SKA1: variants seen among roughly 807,000 people sequenced by gnomAD.
The protein encoded by SKA1 is SKA complex subunit 1.
A neutral mutation model predicts 31.8 loss-of-function variants in SKA1; 20 were observed. The observed-to-expected ratio is 0.63, with a 90% CI of 0.44 to 0.91. The LOEUF (loss-of-function observed/expected upper bound fraction) is 0.91. Ranked by LOEUF, SKA1 falls within the 40% of genes least tolerant of loss-of-function variation. The pLI is 0.00. For missense variants in SKA1, 253 were observed against 298.2 expected (o/e 0.85, Z 1.12); for synonymous variants, 88 against 100.5 (o/e 0.88, Z 0.74).
At chr18:50,388,032 C>T (rs746757177) in intron 5 of SKA1, among the ~76,000 whole-genome samples, 3 of 152,112 alleles carry the variant, frequency 2.0e-5, no homozygotes, top group Non-Finnish European at 4.4e-5. Context: ...ATGGTTGCTA[C>T]GGTTGTAAAT....
intron 4 of SKA1, among the ~76,000 whole-genome samples, chr18:50,383,139 T>G (rs2041276018): frequency 1.3e-5 from 2 of 152,162 alleles, no homozygotes; most frequent in African/African-American, 4.8e-5. Context: ...TGTCTGTGCT[T>G]CTGCTTTTTC....
At chr18:50,381,839 C>A (rs573591543) in intron 3 of SKA1, among the ~76,000 whole-genome samples, 83 of 151,986 alleles carry the variant, frequency 5.5e-4, no homozygotes, top group East Asian at 1.7e-3. Context: ...AGTTCTCCCC[C>A]CTCAGCCTCC....
intron 5 of SKA1, among the ~76,000 whole-genome samples, chr18:50,389,262 C>A (rs1489542863): frequency 6.6e-6 from 1 of 151,902 alleles, no homozygotes; most frequent in East Asian, 1.9e-4. Flanking sequence ...ACCAATTAGC[C>A]ACTTGAAAAA....
At chr18:50,391,365 A>C (rs2044012) in intron 6 of SKA1, 72 bp downstream of exon 6, 465,439 of 1,286,342 alleles carry the variant, frequency 0.36, 88,693 homozygotes, top group East Asian at 0.64. Flanking sequence ...AAATGTAGCT[A>C]GTTCTAGAAA....
chr18:50,379,891 A>G (rs2041249812), intron 2 of SKA1, among the ~76,000 whole-genome samples: 1 of 152,232 alleles, frequency 6.6e-6, no homozygotes, highest in Non-Finnish European at 1.5e-5. Context: ...AGAATTTGCC[A>G]GAAACAAAAG....
At position 50,391,237 on chromosome 18, in the gene SKA1, C is replaced by T. The variant is rs1053849147; in HGVS notation, c.563C>T (p.Ser188Phe). The T allele has an allele frequency of 6.2e-7, 1 of 1,604,428 alleles. No individual in the cohort carries two copies. The highest frequency in any genetic ancestry group is 1.3e-5 in the African/African-American group (1 of 74,344). The change falls in exon 6 of 7, where the codon TCT (serine) becomes TTT (phenylalanine). Residue 188 changes from serine (S) to phenylalanine (F), a missense_variant. Coordinates refer to ENST00000285116, the MANE Select transcript of SKA1 (RefSeq NM_145060.4). ...ILHQPKKSMN[S>F]VTRNLYHRFI... ...CATCAGCCAAAAAAGTCTATGAATT[C>T]TGTGACCAGAAATCTCTATCACAGA...
chr18:50,381,398 A>G lies in SKA1; in HGVS notation c.214-731A>G, dbSNP rs138134306. Reference sequence around the variant, plus strand: ...CATCTCATGCTTGCCAGCTGGGTATATTACCATGCTGTGATAATATGGTTG... The same window carrying G: ...CATCTCATGCTTGCCAGCTGGGTATGTTACCATGCTGTGATAATATGGTTG... On this transcript the variant is annotated intron_variant, in intron 3 of 6. Transcript: ENST00000285116. 2.8e-4 allele frequency among the ~76,000 whole-genome samples: 42 copies of G among 152,312 alleles called. No homozygotes were observed. In the East Asian group the frequency reaches 7.5e-3, roughly 27 times the overall value.
chr18:50,389,375 C>CTTTTTTTTTTTTTTTTTT (rs756288352), intron 5 of SKA1, among the ~76,000 whole-genome samples: 57 of 86,142 alleles, frequency 6.6e-4, no homozygotes, highest in South Asian at 1.3e-3. Context: ...CTTTACCTTT[C>CTTTTTTTTTTTTTTTTTT]TTTTTTTTTT....
intron 5 of SKA1, among the ~76,000 whole-genome samples, chr18:50,388,174 G>T (rs571483147): frequency 1.3e-5 from 2 of 152,132 alleles, no homozygotes; most frequent in African/African-American, 2.4e-5. Context: ...TGCAAGCTCC[G>T]CCTCCCAGGT....
intron 5 of SKA1, among the ~76,000 whole-genome samples, chr18:50,389,363 T>G (rs1382381089): frequency 6.6e-6 from 1 of 150,400 alleles, no homozygotes; most frequent in African/African-American, 2.5e-5. Context: ...TTTTGTCATT[T>G]CCTTTACCTT....
chr18:50,380,072 T>C (rs552536758), intron 2 of SKA1, 54 bp from the exon 3 acceptor site: 71 of 1,415,712 alleles, frequency 5.0e-5, no homozygotes, highest in Admixed American at 4.6e-4. Context: ...TGAGTACTTA[T>C]AGCTACTGCT....
intron 5 of SKA1, among the ~76,000 whole-genome samples, chr18:50,386,986 G>C (rs968536422): frequency 6.6e-6 from 1 of 152,176 alleles, no homozygotes; most frequent in Non-Finnish European, 1.5e-5. Context: ...CGCTAAAAAC[G>C]TTCATGTGCA....
rs1204998414 is a variant in SKA1 at position 50,379,888 on chromosome 18, GC to G, written c.89-236del. On this transcript the variant is annotated intron_variant, in intron 2 of 6. Coordinates refer to ENST00000285116, the MANE Select transcript of SKA1 (RefSeq NM_145060.4). Reference sequence around the variant, plus strand: ...AGTGTTTTAATAAGTGGAAGAATTTGCCAGAAACAAAAGACGCAGGAGAGAC... The same window carrying G: ...AGTGTTTTAATAAGTGGAAGAATTTGCAGAAACAAAAGACGCAGGAGAGAC... Among the ~76,000 whole-genome samples, 3 of 152,280 alleles carry G rather than the reference GC, an allele frequency of 2.0e-5. No individual in the cohort carries two copies. The South Asian group carries it at 6.2e-4, about 32-fold the overall frequency.
intron 5 of SKA1, among the ~76,000 whole-genome samples, chr18:50,385,812 A>G (rs1189132400): frequency 1.3e-5 from 2 of 152,194 alleles, no homozygotes; most frequent in African/African-American, 4.8e-5. Flanking sequence ...CTTCCCCCAA[A>G]GAGGGGGGCG....
Position 50,393,834 on chromosome 18 carries a change from A to C in SKA1, c.*1587A>C, listed in dbSNP as rs74860045. On this transcript the variant is annotated 3_prime_UTR_variant, in exon 7 of 7. Transcript: ENST00000285116. ...GGTCACTCTTGATGGGCACCTGGAT[A>C]ACTCAGGATGGGGGCTGCTCACAAA... 0.012 allele frequency: 1,869 copies of C among 152,242 alleles called. 41 individuals carry two copies. The highest frequency in any genetic ancestry group is 0.084 in the East Asian group (435 of 5,168). 9.4% of individuals were successfully genotyped at this position (152,242 alleles called of 1,614,324 possible). A position where few individuals can be genotyped will look rare whatever the true frequency, so the allele number is the denominator to read the frequency against.
intron 3 of SKA1, among the ~76,000 whole-genome samples, chr18:50,381,090 G>A (rs140341810): frequency 1.9e-4 from 29 of 152,300 alleles, no homozygotes; most frequent in East Asian, 1.2e-3. Context: ...AACCAATACC[G>A]GCATTTCAGT....
chr18:50,382,257 T>C lies in SKA1; in HGVS notation c.311+31T>C, dbSNP rs534037371. 89 of 1,317,716 alleles carry C rather than the reference T, an allele frequency of 6.8e-5. 3 individuals carry two copies. The South Asian group carries it at 1.4e-3, about 20-fold the overall frequency. The allele number at this position is 1,317,716 out of a possible 1,614,324, so 81.6% of individuals were successfully genotyped here. A position where few individuals can be genotyped will look rare whatever the true frequency, so the allele number is the denominator to read the frequency against. ...TGTATTTATAATTATTCTTGCTATC[T>C]GGATTTATAAACCCATGAAAACAAG... On this transcript the variant is annotated intron_variant, in intron 4 of 6. Transcript: ENST00000285116.
rs1446186537 is a variant in SKA1 at position 50,393,785 on chromosome 18, T to G, written c.*1538T>G. The G allele has an allele frequency of 6.6e-6, 1 of 152,130 alleles. No homozygotes were observed. The highest frequency in any genetic ancestry group is 1.9e-4 in the East Asian group (1 of 5,202). The allele number at this position is 152,130 out of a possible 1,614,324, so 9.4% of individuals were successfully genotyped here. A position where few individuals can be genotyped will look rare whatever the true frequency, so the allele number is the denominator to read the frequency against. Reference sequence around the variant, plus strand: ...TAAATTCCTTTAAATTTCCCAGTGATAGGAGAATTTTTTGTTCTAATGAGG... The same window carrying G: ...TAAATTCCTTTAAATTTCCCAGTGAGAGGAGAATTTTTTGTTCTAATGAGG... On this transcript the variant is annotated 3_prime_UTR_variant, in exon 7 of 7. Transcript: ENST00000285116.
chr18:50,378,897 C>CCTG (rs2041242338), intron 2 of SKA1, among the ~76,000 whole-genome samples: 2 of 151,854 alleles, frequency 1.3e-5, no homozygotes, highest in Admixed American at 6.6e-5. Context: ...ATGATATACT[C>CCTG]ATGATGATGA....
Sources: allele counts gnomAD v4.1 joint callset (sites outside exome capture counted in the v4.1 genomes callset), GRCh38; gene constraint gnomAD v4.1.1; transcripts MANE v1.5; gene names NCBI Gene and HGNC (gene_info 2026-07-23, HGNC 2026-07-21).